AFF3: variants seen among roughly 807,000 people sequenced by gnomAD.
AFF3 encodes ALF transcription elongation factor 3, also known as AF4/FMR2 family member 3.
AFF3 carries 32 observed loss-of-function variants against 129.7 expected under a neutral mutation model. The ratio of observed to expected loss-of-function variants is 0.25; its 90% confidence interval spans 0.19 to 0.33. The LOEUF (loss-of-function observed/expected upper bound fraction) is 0.33, where lower values mean the gene tolerates loss of function less well. AFF3 is among the 10% of genes least tolerant of loss of function. The pLI, the probability that AFF3 is intolerant of heterozygous loss-of-function variation, is 1.00. For synonymous variants in AFF3, 644 were observed against 635.4 expected (o/e 1.01, Z -0.20); for missense variants, 1,373 against 1,592.0 (o/e 0.86, Z 2.34).
intron 2 of AFF3, among the ~76,000 whole-genome samples, chr2:100,126,960 T>C (rs1221352796): frequency 6.6e-6 from 1 of 152,232 alleles, no homozygotes; most frequent in East Asian, 1.9e-4. Flanking sequence ...GAAACAGTGC[T>C]GATGCATATA....
At chr2:99,763,203 C>T (rs1682758303) in intron 8 of AFF3, among the ~76,000 whole-genome samples, 1 of 152,216 alleles carries the variant, frequency 6.6e-6, no homozygotes, top group Non-Finnish European at 1.5e-5. Context: ...GACCCAACAT[C>T]CCCCTTTAAA....
intron 12 of AFF3, among the ~76,000 whole-genome samples, chr2:99,657,796 T>C (rs573160014): frequency 1.3e-5 from 2 of 152,262 alleles, no homozygotes; most frequent in African/African-American, 2.4e-5. Flanking sequence ...CTGAGAAAAA[T>C]GCTGATTAGG....
intron 8 of AFF3, among the ~76,000 whole-genome samples, chr2:99,814,505 G>T (rs7575568): frequency 0.61 from 92,845 of 151,532 alleles, 29,994 homozygotes; most frequent in South Asian, 0.79. Flanking sequence ...CTTCATCAAG[G>T]GAGCTACAGC....
intron 4 of AFF3, among the ~76,000 whole-genome samples, chr2:100,069,727 C>A (rs1390136061): frequency 6.6e-6 from 1 of 152,154 alleles, no homozygotes; most frequent in Non-Finnish European, 1.5e-5. Context: ...TCAGTTTAAT[C>A]AAATGCCTTA....
chr2:99,713,072 T>A (rs943322909), intron 11 of AFF3, among the ~76,000 whole-genome samples: 2 of 151,952 alleles, frequency 1.3e-5, no homozygotes, highest in East Asian at 1.9e-4. Flanking sequence ...TTACCAGAAA[T>A]GGGGAGGAGC....
At chr2:99,600,002 T>C (rs1252621353) in intron 14 of AFF3, among the ~76,000 whole-genome samples, 1 of 152,156 alleles carries the variant, frequency 6.6e-6, no homozygotes. Context: ...TCTGAATGAG[T>C]AAATGAATCA....
chr2:99,998,715 C>T (rs1422589070), intron 7 of AFF3, among the ~76,000 whole-genome samples: 4 of 152,134 alleles, frequency 2.6e-5, no homozygotes, highest in African/African-American at 7.2e-5. Flanking sequence ...GAGACATACA[C>T]GGCTTATGTT....
intron 8 of AFF3, among the ~76,000 whole-genome samples, chr2:99,755,729 A>T (rs1558819721): frequency 6.6e-6 from 1 of 152,182 alleles, no homozygotes; most frequent in Non-Finnish European, 1.5e-5. Flanking sequence ...CGTCTTGAAG[A>T]TTCGGAATCT....
chr2:99,677,011 G>A (rs529400198), intron 11 of AFF3, among the ~76,000 whole-genome samples: 5 of 152,284 alleles, frequency 3.3e-5, no homozygotes, highest in African/African-American at 9.6e-5. Context: ...GCTTGTTCCT[G>A]TAATCCCAGT....
chr2:99,639,116 C>T (rs1411538708), intron 13 of AFF3, among the ~76,000 whole-genome samples: 2 of 152,184 alleles, frequency 1.3e-5, no homozygotes, highest in Non-Finnish European at 2.9e-5. Flanking sequence ...TGGCTTTATA[C>T]AACTCGTTAT....
At chr2:99,590,195 T>C (rs771131435) in intron 15 of AFF3, among the ~76,000 whole-genome samples, 1 of 152,226 alleles carries the variant, frequency 6.6e-6, no homozygotes, top group Admixed American at 6.5e-5. Flanking sequence ...GGCAAGATTC[T>C]TCCTCTGCCT....
chr2:99,573,933 G>A (rs1363827255), intron 18 of AFF3, among the ~76,000 whole-genome samples: 4 of 152,188 alleles, frequency 2.6e-5, no homozygotes, highest in South Asian at 2.1e-4. Context: ...GCAGAACGGT[G>A]GGCAGGATGG....
intron 4 of AFF3, among the ~76,000 whole-genome samples, chr2:100,099,926 T>TA (rs1462686244): frequency 6.7e-6 from 1 of 148,912 alleles, no homozygotes; most frequent in Non-Finnish European, 1.5e-5. Context: ...GTGGCAGTGT[T>TA]AAACGTGTAT....
chr2:99,581,814 C>CA (rs1394853845), intron 17 of AFF3, among the ~76,000 whole-genome samples: 1 of 150,202 alleles, frequency 6.7e-6, no homozygotes, highest in Non-Finnish European at 1.5e-5. Context: ...GAGGAACTAA[C>CA]ATGTAGTGTT....
chr2:99,766,877 G>A (rs1399548028), intron 8 of AFF3, among the ~76,000 whole-genome samples: 2 of 152,228 alleles, frequency 1.3e-5, no homozygotes, highest in African/African-American at 4.8e-5. Context: ...TGTCTTTAAA[G>A]AGGGAGCCAA....
rs927667918 is a variant in AFF3 at position 99,655,477 on chromosome 2, G to C, written c.1144-5811C>G. Among the ~76,000 whole-genome samples the C allele has an allele frequency of 5.9e-5, 9 of 152,142 alleles. 1 individual carries two copies. Among genetic ancestry groups the C allele is most frequent in the Admixed American group, 5.2e-4 (8 of 15,272 alleles). On this transcript the variant is annotated intron_variant, in intron 12 of 24. Coordinates refer to ENST00000672756, the MANE Select transcript of AFF3 (RefSeq NM_001386135.1). ...CTCTAGGCAGGGAAGCTCTAGTTTG[G>C]GAGCAAAGGCCAGGAGCTGGCCTAG...
intron 7 of AFF3, among the ~76,000 whole-genome samples, chr2:99,931,418 A>G (rs573832842): frequency 2.8e-4 from 42 of 152,362 alleles, no homozygotes; most frequent in Admixed American, 1.3e-3. Context: ...TAAGGGAGAA[A>G]AAAGGTATTA....
intron 7 of AFF3, among the ~76,000 whole-genome samples, chr2:99,901,306 G>T (rs940961328): frequency 6.6e-6 from 1 of 152,144 alleles, no homozygotes; most frequent in Non-Finnish European, 1.5e-5. Flanking sequence ...TCTACATGTG[G>T]ATTATTTAGT....
At chr2:99,655,373 A>G (rs1386993564) in intron 12 of AFF3, among the ~76,000 whole-genome samples, 1 of 152,166 alleles carries the variant, frequency 6.6e-6, no homozygotes, top group Non-Finnish European at 1.5e-5. Context: ...TTACTAAGTA[A>G]GAAATAACAA....
Sources: gnomAD v4.1 joint callset for allele counts (sites outside exome capture counted in the v4.1 genomes callset) on GRCh38, gnomAD v4.1.1 for gene constraint, MANE v1.5 for transcripts, NCBI Gene and HGNC (gene_info 2026-07-23, HGNC 2026-07-21) for gene names.